STAG2: variants seen among roughly 807,000 people sequenced by gnomAD.
The protein encoded by STAG2 is cohesin subunit SA-2.
A neutral mutation model predicts 108.1 loss-of-function variants in STAG2; 14 were observed. That is an observed-to-expected ratio of 0.13 (90% CI 0.09 to 0.20). The LOEUF (loss-of-function observed/expected upper bound fraction) is 0.20, where lower values mean the gene tolerates loss of function less well. Ranked by LOEUF, STAG2 falls within the 10% of genes least tolerant of loss-of-function variation. STAG2 has a pLI of 1.00. For missense variants in STAG2, 440 were observed against 940.9 expected, an observed-to-expected ratio of 0.47 and a Z score of 6.96; for synonymous variants, 307 against 302.7, an observed-to-expected ratio of 1.01 and a Z score of -0.15.
At chrX:124,052,886 G>A (rs1247582364) in intron 13 of STAG2, among the ~76,000 whole-genome samples, 1 of 106,764 alleles carries the variant, frequency 9.4e-6, no homozygotes, top group Non-Finnish European at 1.9e-5. Context: ...GCATGATCTC[G>A]GCTCACCGCA....
chrX:124,090,160 CAAAAAAA>C (rs758142487), intron 30 of STAG2, among the ~76,000 whole-genome samples: 8 of 28,403 alleles, frequency 2.8e-4, no homozygotes, highest in African/African-American at 9.9e-4. Flanking sequence ...GACTCTGTCT[CAAAAAAA>C]AAAAAAAAAA....
intron 3 of STAG2, among the ~76,000 whole-genome samples, chrX:124,024,618 AG>A (rs2057037055): frequency 9.0e-6 from 1 of 111,536 alleles, no homozygotes; most frequent in African/African-American, 3.3e-5. Context: ...CTGTATAAAT[AG>A]TATTTTTTTT....
intron 7 of STAG2, among the ~76,000 whole-genome samples, chrX:124,043,023 G>GAAAAAAAAAAAGGA (rs1179504045): frequency 3.8e-5 from 4 of 104,969 alleles, no homozygotes; most frequent in African/African-American, 1.4e-4. Context: ...AAAAAAAAAG[G>GAAAAAAAAAAAGGA]AAAAAAAAAA....
intron 34 of STAG2, among the ~76,000 whole-genome samples, chrX:124,095,783 G>C (rs779190514): frequency 3.6e-5 from 4 of 110,712 alleles, no homozygotes; most frequent in Non-Finnish European, 7.6e-5. Flanking sequence ...GTTTCAGAAA[G>C]ATTTCCTTGA....
chrX:124,032,826 A>G (rs1311063644), intron 5 of STAG2, among the ~76,000 whole-genome samples: 1 of 112,228 alleles, frequency 8.9e-6, no homozygotes, highest in Non-Finnish European at 1.9e-5. Context: ...TTAATCAGTG[A>G]TGGGTGCACA....
At chrX:124,078,411 G>A (rs909035182) in intron 27 of STAG2, among the ~76,000 whole-genome samples, 4 of 111,875 alleles carry the variant, frequency 3.6e-5, no homozygotes, top group African/African-American at 1.3e-4. Context: ...ATATTGCAAT[G>A]TTGTTTATAG....
At chrX:124,051,836 C>T (rs988731290) in intron 13 of STAG2, among the ~76,000 whole-genome samples, 4 of 111,822 alleles carry the variant, frequency 3.6e-5, no homozygotes, top group African/African-American at 1.3e-4. Context: ...GTGATCCGCC[C>T]GCCTTGGCCT....
intron 34 of STAG2, among the ~76,000 whole-genome samples, chrX:124,096,187 C>T (rs1027832651): frequency 2.7e-5 from 3 of 110,533 alleles, no homozygotes; most frequent in Non-Finnish European, 5.7e-5. Context: ...TTTTTTTCCC[C>T]CCCATTGCCA....
intron 1 of STAG2, among the ~76,000 whole-genome samples, chrX:124,009,341 C>T (rs1296047370): frequency 9.2e-6 from 1 of 108,971 alleles, no homozygotes; most frequent in Non-Finnish European, 1.9e-5. Flanking sequence ...TGCTTGGTTA[C>T]AGGGCAAAAT....
intron 27 of STAG2, among the ~76,000 whole-genome samples, chrX:124,080,209 A>T (rs1476291893): frequency 9.0e-6 from 1 of 111,123 alleles, no homozygotes; most frequent in Non-Finnish European, 1.9e-5. Flanking sequence ...TGTACAATAG[A>T]TCTTCAGAAC....
Position 124,049,088 on chromosome X carries a change from G to C in STAG2, c.893+10G>C, listed in dbSNP as rs368277907. The C allele has an allele frequency of 1.2e-4, 145 of 1,162,863 alleles. No individual in the cohort carries two copies. In the Middle Eastern group the frequency reaches 1.7e-3, roughly 13 times the overall value. ...TTGTACATAGATACCGGTAAGTTGT[G>C]ACAGTTTTTTTCATAAATAGCATTA... On this transcript the variant is annotated intron_variant, in intron 10 of 34. Transcript: ENST00000371145.
intron 27 of STAG2, among the ~76,000 whole-genome samples, chrX:124,078,736 A>G (rs1259962717): frequency 9.0e-6 from 1 of 110,855 alleles, no homozygotes; most frequent in Admixed American, 9.6e-5. Flanking sequence ...TGGGAGGCTG[A>G]GGTGGGTGGA....
intron 1 of STAG2, among the ~76,000 whole-genome samples, chrX:123,995,963 T>A (rs2055718759): frequency 2.7e-5 from 3 of 111,747 alleles, no homozygotes; most frequent in Admixed American, 9.6e-5. Flanking sequence ...TGAAGTAGAA[T>A]TTTGTGTAGG....
chrX:124,091,832 T>TA (rs2059257840), intron 32 of STAG2, among the ~76,000 whole-genome samples: 1 of 112,678 alleles, frequency 8.9e-6, no homozygotes, highest in Admixed American at 9.4e-5. Context: ...TGTTCAATGC[T>TA]AAAAAAATGA....
At chrX:124,047,077 A>G (rs1159430630) in intron 8 of STAG2, among the ~76,000 whole-genome samples, 3 of 111,697 alleles carry the variant, frequency 2.7e-5, no homozygotes, top group Admixed American at 1.9e-4. Flanking sequence ...TGCTTATATG[A>G]ACTGAGGCAA....
intron 1 of STAG2, among the ~76,000 whole-genome samples, chrX:124,004,376 A>T (rs2056193473): frequency 9.0e-6 from 1 of 111,672 alleles, no homozygotes; most frequent in Non-Finnish European, 1.9e-5. Flanking sequence ...AAGATAACCA[A>T]CCACCATTCT....
chrX:124,018,816 T>C (rs2056823942), intron 1 of STAG2, among the ~76,000 whole-genome samples: 1 of 110,907 alleles, frequency 9.0e-6, no homozygotes, highest in African/African-American at 3.3e-5. Flanking sequence ...ATTGTATTTA[T>C]ATGCAGCTGT....
chrX:124,022,386 A>T, intron 2 of STAG2, 145 bp from the exon 3 acceptor site: 1 of 254,992 alleles, frequency 3.9e-6, no homozygotes, highest in Non-Finnish European at 6.9e-6. Flanking sequence ...AAAAAAAAAA[A>T]GAAAGCAGTC....
At position 124,063,981 on chromosome X, in the gene STAG2, T is replaced by G; in HGVS notation, c.1955T>G (p.Ile652Ser). The change falls in exon 20 of 35, where the codon ATT becomes AGT. Residue 652 changes from isoleucine to serine, a missense_variant. Ile to Ser is a moderately radical substitution (Grantham distance 142). Transcript: ENST00000371145. Reference protein sequence around the residue: ...EEFTIFNRVDISRSQLIDELA... With the variant: ...EEFTIFNRVDSSRSQLIDELA... ...TTCACAATCTTCAACAGAGTAGATA[T>G]TTCAAGAAGTCAACTGATAGATGAA... 1 of 1,210,738 alleles carries G rather than the reference T, an allele frequency of 8.3e-7. No homozygotes were observed. The highest frequency in any genetic ancestry group is 1.1e-6 in the Non-Finnish European group (1 of 894,874).
Sources: gnomAD v4.1 joint callset for allele counts (sites outside exome capture counted in the v4.1 genomes callset) on GRCh38, gnomAD v4.1.1 for gene constraint, MANE v1.5 for transcripts, NCBI Gene and HGNC (gene_info 2026-07-23, HGNC 2026-07-21) for gene names.